The following SRGAP3 variants were observed in gnomAD, a reference collection of about 807,000 sequenced individuals.
SRGAP3 encodes SLIT-ROBO Rho GTPase activating protein 3, also known as SLIT-ROBO Rho GTPase-activating protein 3.
SRGAP3 carries 39 observed loss-of-function variants against 121.1 expected under a neutral mutation model. That is an observed-to-expected ratio of 0.32 (90% confidence interval 0.25 to 0.42). SRGAP3 has a LOEUF of 0.42. Among genes scored for constraint, SRGAP3 ranks in the 10% least tolerant of loss-of-function variants. The probability of loss-of-function intolerance (pLI) is 1.00; values close to 1 mark genes in which losing one functional copy is unlikely to be tolerated. For missense variants in SRGAP3, 1,213 were observed against 1,470.6 expected (o/e 0.82, Z 2.86); for synonymous variants, 601 against 570.0 (o/e 1.05, Z -0.77).
At chr3:9,291,636 GCA>G (rs900277278) in intron 3 of SRGAP3, among the ~76,000 whole-genome samples, 30 of 133,450 alleles carry the variant, frequency 2.2e-4, no homozygotes, top group East Asian at 6.9e-4. Context: ...ACACACACAC[GCA>G]CACACATTTG....
At chr3:9,130,457 G>T (rs1229260022) in intron 1 of SRGAP3, among the ~76,000 whole-genome samples, 1 of 152,180 alleles carries the variant, frequency 6.6e-6, no homozygotes, top group Non-Finnish European at 1.5e-5. Context: ...ACTATGCAGT[G>T]AGTGCTACTA....
intron 10 of SRGAP3, among the ~76,000 whole-genome samples, chr3:9,045,411 GAC>G (rs1945215904): frequency 6.6e-6 from 1 of 152,092 alleles, no homozygotes; most frequent in African/African-American, 2.4e-5. Context: ...TCAGAAGAGA[GAC>G]TGGTAGAGCA....
intron 10 of SRGAP3, among the ~76,000 whole-genome samples, chr3:9,042,199 T>C (rs1042855214): frequency 6.6e-6 from 1 of 152,078 alleles, no homozygotes; most frequent in African/African-American, 2.4e-5. Flanking sequence ...AATTTTGATA[T>C]GTGTCAATAT....
At chr3:9,162,864 A>C (rs1030192520) in intron 1 of SRGAP3, among the ~76,000 whole-genome samples, 2 of 152,174 alleles carry the variant, frequency 1.3e-5, no homozygotes, top group Middle Eastern at 3.2e-3. Context: ...TGACTCCAAA[A>C]GGGGCAAGCC....
At chr3:9,278,532 C>G (rs988652888) in intron 3 of SRGAP3, among the ~76,000 whole-genome samples, 1 of 152,200 alleles carries the variant, frequency 6.6e-6, no homozygotes, top group African/African-American at 2.4e-5. Context: ...GCTGGAAGCA[C>G]ACAATGAAAG....
At chr3:9,162,351 A>ACCTC (rs1950627020) in intron 1 of SRGAP3, among the ~76,000 whole-genome samples, 1 of 152,202 alleles carries the variant, frequency 6.6e-6, no homozygotes, top group Non-Finnish European at 1.5e-5. Context: ...AGTATATGCA[A>ACCTC]AGATGAAGCA....
chr3:9,111,687 G>A (rs981437545), intron 2 of SRGAP3, among the ~76,000 whole-genome samples: 1 of 152,146 alleles, frequency 6.6e-6, no homozygotes, highest in Non-Finnish European at 1.5e-5. Context: ...GGGGTTGTTT[G>A]CCCCTTTGGA....
chr3:9,325,503 A>G (rs1461145479), intron 3 of SRGAP3, among the ~76,000 whole-genome samples: 2 of 151,956 alleles, frequency 1.3e-5, no homozygotes, highest in Non-Finnish European at 2.9e-5. Context: ...AAGAATTTAA[A>G]GTCTGTTATG....
At chr3:9,095,524 T>C (rs1484700292) in intron 3 of SRGAP3, among the ~76,000 whole-genome samples, 1 of 152,170 alleles carries the variant, frequency 6.6e-6, no homozygotes, top group Non-Finnish European at 1.5e-5. Context: ...TATATAAAAT[T>C]AGCTCTTACA....
chr3:9,038,182 C>A, intron 10 of SRGAP3, 92 bp from the exon 11 acceptor site: 2 of 1,510,764 alleles, frequency 1.3e-6, no homozygotes, highest in Non-Finnish European at 1.8e-6. Flanking sequence ...TACAATGAGT[C>A]TTAATTATTT....
intron 2 of SRGAP3, among the ~76,000 whole-genome samples, chr3:9,120,680 C>T (rs1265121476): frequency 6.6e-6 from 1 of 152,204 alleles, no homozygotes; most frequent in East Asian, 1.9e-4. Flanking sequence ...GATTCCCTCT[C>T]CACTTCCCTG....
chr3:9,067,007 T>C (rs1946464296), intron 4 of SRGAP3, among the ~76,000 whole-genome samples: 1 of 152,138 alleles, frequency 6.6e-6, no homozygotes. Context: ...TGCTTCCTCG[T>C]CTGTAAAAAT....
intron 1 of SRGAP3, among the ~76,000 whole-genome samples, chr3:9,210,441 C>T (rs541207454): frequency 7.9e-5 from 12 of 152,176 alleles, no homozygotes; most frequent in African/African-American, 2.9e-4. Flanking sequence ...GAGCTATAAT[C>T]GTACCACTGC....
intron 14 of SRGAP3, among the ~76,000 whole-genome samples, chr3:9,018,266 G>A (rs1943737750): frequency 2.0e-5 from 3 of 152,232 alleles, no homozygotes; most frequent in Admixed American, 6.5e-5. Flanking sequence ...TGGTGGCCAC[G>A]TAGGTTGCTT....
intron 1 of SRGAP3, among the ~76,000 whole-genome samples, chr3:9,334,584 A>G (rs150363535): frequency 6.6e-6 from 1 of 152,288 alleles, no homozygotes; most frequent in African/African-American, 2.4e-5. Context: ...TGTACTAGTC[A>G]CTATATTAGG....
intron 1 of SRGAP3, among the ~76,000 whole-genome samples, chr3:9,167,528 T>C (rs1009616966): frequency 6.6e-6 from 1 of 152,190 alleles, no homozygotes; most frequent in African/African-American, 2.4e-5. Context: ...ACCTTGCTCC[T>C]AAATTCTGGG....
At chr3:9,134,373 G>A (rs970020342) in intron 1 of SRGAP3, among the ~76,000 whole-genome samples, 10 of 152,098 alleles carry the variant, frequency 6.6e-5, no homozygotes, top group Non-Finnish European at 1.0e-4. Flanking sequence ...CTCCACAGGG[G>A]CAGCTGGTAC....
chr3:9,324,414 A>T (rs1228420933), intron 3 of SRGAP3, among the ~76,000 whole-genome samples: 1 of 151,928 alleles, frequency 6.6e-6, no homozygotes, highest in Non-Finnish European at 1.5e-5. Flanking sequence ...ACTGGGAAAC[A>T]GAAGAGCAGT....
chr3:9,073,777 A>C (rs1946831512), intron 4 of SRGAP3, among the ~76,000 whole-genome samples: 1 of 152,246 alleles, frequency 6.6e-6, no homozygotes, highest in African/African-American at 2.4e-5. Flanking sequence ...ATACCTATGA[A>C]CGCAAAGCAA....
Sources: gnomAD v4.1 joint callset for allele counts (sites outside exome capture counted in the v4.1 genomes callset) on GRCh38, gnomAD v4.1.1 for gene constraint, MANE v1.5 for transcripts, NCBI Gene and HGNC (gene_info 2026-07-23, HGNC 2026-07-21) for gene names.